The following VAC14 variants were observed in gnomAD, a reference collection of about 807,000 sequenced individuals.
The protein encoded by VAC14 is protein VAC14 homolog.
Under a neutral mutation model 85.3 loss-of-function variants are expected in VAC14, and 47 were observed. The observed-to-expected ratio is 0.55, with a 90% CI of 0.44 to 0.70. The LOEUF (loss-of-function observed/expected upper bound fraction) is 0.70. Among genes scored for constraint, VAC14 ranks in the 30% least tolerant of loss-of-function variants. The probability of loss-of-function intolerance (pLI) is 0.00; values close to 1 mark genes in which losing one functional copy is unlikely to be tolerated. For synonymous variants in VAC14, 447 were observed against 430.5 expected (o/e 1.04, Z -0.47); for missense variants, 861 against 1,004.3 (o/e 0.86, Z 1.93).
chr16:70,757,282 A>G (rs2031947490), intron 12 of VAC14, among the ~76,000 whole-genome samples: 1 of 152,224 alleles, frequency 6.6e-6, no homozygotes, highest in Non-Finnish European at 1.5e-5. Context: ...GCTCCAATGC[A>G]GGTCCTCTGC....
At chr16:70,692,741 G>GC in intron 18 of VAC14, 80 bp downstream of exon 18, 1 of 1,530,280 alleles carries the variant, frequency 6.5e-7, no homozygotes, top group Non-Finnish European at 8.7e-7. Context: ...GCAGCCCCTG[G>GC]CAAGGCCCTT....
chr16:70,763,450 T>C (rs1233626914), intron 10 of VAC14, among the ~76,000 whole-genome samples: 2 of 152,182 alleles, frequency 1.3e-5, no homozygotes, highest in African/African-American at 4.8e-5. Context: ...AGACCCTTTC[T>C]TGGAAAAACA....
intron 14 of VAC14, among the ~76,000 whole-genome samples, chr16:70,704,455 G>A (rs2053884494): frequency 6.6e-6 from 1 of 152,244 alleles, no homozygotes; most frequent in Non-Finnish European, 1.5e-5. Flanking sequence ...TGGTTTGGAG[G>A]ACAAGACTTC....
intron 1 of VAC14, 57 bp downstream of exon 1, chr16:70,800,740 T>C (rs1394472479): frequency 3.3e-6 from 5 of 1,497,496 alleles, no homozygotes; most frequent in Non-Finnish European, 4.6e-6. Context: ...GAAGTCCCCC[T>C]GGGGAGCAGA....
intron 13 of VAC14, among the ~76,000 whole-genome samples, chr16:70,738,132 G>C (rs964925051): frequency 6.6e-6 from 1 of 152,264 alleles, no homozygotes; most frequent in Non-Finnish European, 1.5e-5. Context: ...GGGTGATGGA[G>C]AGGCTGGTAT....
rs575264456 is a variant in VAC14, at chr16:70,735,458, G to A, written c.1529-3831C>T. On this transcript the variant is annotated intron_variant, in intron 13 of 18. Transcript: ENST00000261776. The stretch of plus-strand genomic sequence containing the variant: ...ACGGAGGCGTCTGGACAGACTGACT[G>A]TATTTGATGCCAGCGGGCAGGAAGC... Among the ~76,000 whole-genome samples the A allele has an allele frequency of 2.4e-4, 36 of 152,358 alleles. No individual in the cohort carries two copies. The South Asian group carries it at 6.2e-3, about 26-fold the overall frequency.
chr16:70,792,203 C>T (rs1388566396), intron 1 of VAC14, among the ~76,000 whole-genome samples: 1 of 152,140 alleles, frequency 6.6e-6, no homozygotes, highest in Non-Finnish European at 1.5e-5. Context: ...AAAGAAACTA[C>T]AAGGGGAAGC....
chr16:70,760,973 G>GTGTGTGTGTT (rs2032295999), intron 12 of VAC14, among the ~76,000 whole-genome samples: 1 of 94,942 alleles, frequency 1.1e-5, no homozygotes, highest in Non-Finnish European at 2.0e-5. Context: ...GTGTGTGTGT[G>GTGTGTGTGTT]TGTGTGTGTG....
intron 10 of VAC14, among the ~76,000 whole-genome samples, chr16:70,763,698 C>T (rs1022016663): frequency 6.6e-6 from 1 of 152,214 alleles, no homozygotes; most frequent in Non-Finnish European, 1.5e-5. Context: ...ACAGCCTCTG[C>T]CTATGAGAAA....
intron 13 of VAC14, among the ~76,000 whole-genome samples, chr16:70,735,171 C>A (rs190770374): frequency 3.9e-5 from 6 of 152,172 alleles, no homozygotes; most frequent in Admixed American, 3.9e-4. Context: ...AGGGAGGACA[C>A]TGGGGGATGC....
In VAC14 at chr16:70,781,033, CCTGGTGGG is replaced by C; in HGVS notation, c.947-102_947-95del. On this transcript the variant is annotated intron_variant, in intron 8 of 18. Coordinates refer to ENST00000261776, the MANE Select transcript of VAC14 (RefSeq NM_018052.5). The stretch of plus-strand genomic sequence containing the variant: ...GTGATTCCCAGTGTTGGAGGTGGGG[CCTGGTGGG>C]AGGGGTTTCGGTCATGGGGGTGGAT... 3 of 1,551,102 alleles carry C rather than the reference CCTGGTGGG, an allele frequency of 1.9e-6. No individual in the cohort carries two copies. The African/African-American group carries it at 4.1e-5, about 21-fold the overall frequency.
At chr16:70,689,087 A>T in intron 18 of VAC14, 1 of 985,428 alleles carries the variant, frequency 1.0e-6, no homozygotes, top group Non-Finnish European at 1.2e-6. Flanking sequence ...GGGTGCAGGC[A>T]CTGGCAGAGC....
chr16:70,740,105 C>T (rs965504605), intron 13 of VAC14, among the ~76,000 whole-genome samples: 2 of 152,076 alleles, frequency 1.3e-5, no homozygotes, highest in African/African-American at 4.8e-5. Context: ...GGATTACAGG[C>T]ACGCACCACT....
intron 12 of VAC14, among the ~76,000 whole-genome samples, chr16:70,745,522 C>CGT (rs1243066055): frequency 1.6e-5 from 2 of 124,220 alleles, no homozygotes; most frequent in Non-Finnish European, 3.3e-5. Context: ...TGTGTGTGCG[C>CGT]GTGTGCGCGC....
At chr16:70,779,417 G>C (rs1043130753) in intron 9 of VAC14, among the ~76,000 whole-genome samples, 1 of 152,168 alleles carries the variant, frequency 6.6e-6, no homozygotes, top group Non-Finnish European at 1.5e-5. Context: ...AAAATTTCTT[G>C]ACAAATTAGC....
chr16:70,710,265 C>T (rs1447904849), intron 14 of VAC14, among the ~76,000 whole-genome samples: 1 of 152,258 alleles, frequency 6.6e-6, no homozygotes, highest in Non-Finnish European at 1.5e-5. Flanking sequence ...GACCTCCCTT[C>T]CCTGGCTGGC....
chr16:70,709,625 T>C (rs990093073), intron 14 of VAC14, among the ~76,000 whole-genome samples: 1 of 152,156 alleles, frequency 6.6e-6, no homozygotes, highest in African/African-American at 2.4e-5. Context: ...GCAGCCATAG[T>C]TCTGTAGCCT....
At chr16:70,770,626 C>G (rs1352998522) in intron 10 of VAC14, 1 of 152,224 alleles carries the variant, frequency 6.6e-6, no homozygotes, top group African/African-American at 2.4e-5. Context: ...TAACTTCACC[C>G]CTCACATCAA....
intron 14 of VAC14, among the ~76,000 whole-genome samples, chr16:70,700,664 G>C (rs2053807414): frequency 6.6e-6 from 1 of 152,230 alleles, no homozygotes; most frequent in South Asian, 2.1e-4. Flanking sequence ...AGGCCAGGAG[G>C]TGGTGGCCCT....
Sources: gnomAD v4.1 joint callset for allele counts (sites outside exome capture counted in the v4.1 genomes callset) on GRCh38, gnomAD v4.1.1 for gene constraint, MANE v1.5 for transcripts, NCBI Gene and HGNC (gene_info 2026-07-23, HGNC 2026-07-21) for gene names.